The following CCSER1 variants were observed in gnomAD, a reference collection of about 807,000 sequenced individuals.
CCSER1 encodes the protein serine-rich coiled-coil domain-containing protein 1.
In CCSER1, 41 loss-of-function variants were observed where a neutral mutation model predicts 82.0. The ratio of observed to expected loss-of-function variants is 0.50; its 90% CI spans 0.39 to 0.65. The LOEUF (loss-of-function observed/expected upper bound fraction) is 0.65, where lower values mean the gene tolerates loss of function less well. CCSER1 is among the 30% of genes least tolerant of loss of function. CCSER1 has a pLI of 0.00. For missense variants in CCSER1, 1,119 were observed against 1,064.2 expected (o/e 1.05, Z -0.72); for synonymous variants, 414 against 383.9 (o/e 1.08, Z -0.92).
intron 8 of CCSER1, among the ~76,000 whole-genome samples, chr4:90,912,232 G>A (rs1726509481): frequency 6.6e-6 from 1 of 152,122 alleles, no homozygotes; most frequent in South Asian, 2.1e-4. Flanking sequence ...CTAATTATGT[G>A]TCTGCCCAGT....
chr4:90,280,735 A>T (rs1288096667), intron 1 of CCSER1, among the ~76,000 whole-genome samples: 1 of 151,968 alleles, frequency 6.6e-6, no homozygotes, highest in African/African-American at 2.4e-5. Flanking sequence ...TTGTCAGTTT[A>T]AAAAATTAGA....
chr4:90,421,487 G>C (rs898801652), intron 4 of CCSER1, among the ~76,000 whole-genome samples: 1 of 152,120 alleles, frequency 6.6e-6, no homozygotes, highest in Admixed American at 6.5e-5. Flanking sequence ...ACAGTGTTCA[G>C]TTTATTGTTT....
intron 1 of CCSER1, among the ~76,000 whole-genome samples, chr4:90,235,624 A>T (rs1009920827): frequency 6.6e-6 from 1 of 152,216 alleles, no homozygotes; most frequent in Non-Finnish European, 1.5e-5. Flanking sequence ...CAAAAATTGA[A>T]TCATGATAAT....
intron 10 of CCSER1, among the ~76,000 whole-genome samples, chr4:91,500,971 A>G (rs1759177125): frequency 6.6e-6 from 1 of 151,896 alleles, no homozygotes; most frequent in African/African-American, 2.4e-5. Context: ...TTACATTTCT[A>G]TACCTTTTAT....
intron 10 of CCSER1, among the ~76,000 whole-genome samples, chr4:91,506,957 G>A (rs1204822022): frequency 6.6e-6 from 1 of 152,078 alleles, no homozygotes; most frequent in East Asian, 1.9e-4. Flanking sequence ...ATTGTAGCAT[G>A]TATCAATGCC....
intron 10 of CCSER1, among the ~76,000 whole-genome samples, chr4:91,207,035 G>C (rs1478839518): frequency 6.6e-6 from 1 of 151,784 alleles, no homozygotes; most frequent in African/African-American, 2.4e-5. Context: ...TTACTTGAAA[G>C]ATATAAGATG....
At position 91,569,333 on chromosome 4, in the gene CCSER1, G is replaced by A. The variant is rs998217196; in HGVS notation, c.2218-29239G>A. On this transcript the variant is annotated intron_variant, in intron 10 of 10. Coordinates refer to ENST00000509176, the MANE Select transcript of CCSER1 (RefSeq NM_001145065.2). ...CTCTGGGCTGCCTGGGGCAATCTCA[G>A]TGTTTTTGTTCCTGCCCCAACTTGG... Among the ~76,000 whole-genome samples, 3 of 152,272 alleles carry A rather than the reference G, an allele frequency of 2.0e-5. No homozygotes were observed. The East Asian group carries it at 5.8e-4, about 29-fold the overall frequency.
intron 10 of CCSER1, among the ~76,000 whole-genome samples, chr4:91,258,250 T>C (rs1740845790): frequency 6.6e-6 from 1 of 152,128 alleles, no homozygotes; most frequent in Non-Finnish European, 1.5e-5. Context: ...CACAAAATTT[T>C]AATGCACTAA....
At position 91,107,639 on chromosome 4, in the gene CCSER1, CTTT is replaced by C. The variant is rs55901052; in HGVS notation, c.2217+21660_2217+21662del. On this transcript the variant is annotated intron_variant, in intron 10 of 10. Transcript: ENST00000509176. ...TAAGAAAAAGGCATTTTCTTTTTCT[CTTT>C]TTTTTTTTTTTTTTGATGTTTGAAA... Among the ~76,000 whole-genome samples the C allele has an allele frequency of 3.9e-3, 526 of 136,292 alleles. 3 individuals carry two copies. The highest frequency in any genetic ancestry group is 0.02 in the East Asian group (94 of 4,728). The allele number at this position is 136,292 out of a possible 152,430, so 89.4% of individuals were successfully genotyped here. A position where few individuals can be genotyped will look rare whatever the true frequency, so the allele number is the denominator to read the frequency against.
chr4:90,502,574 C>T (rs557210241), intron 5 of CCSER1, among the ~76,000 whole-genome samples: 45 of 152,052 alleles, frequency 3.0e-4, no homozygotes, highest in Admixed American at 1.0e-3. Flanking sequence ...TTGTCAGAAG[C>T]GGTGGACAAT....
At chr4:91,282,455 T>C (rs1187873712) in intron 10 of CCSER1, among the ~76,000 whole-genome samples, 1 of 152,174 alleles carries the variant, frequency 6.6e-6, no homozygotes, top group Non-Finnish European at 1.5e-5. Flanking sequence ...TTATAGATTA[T>C]TATGCTTTCT....
intron 5 of CCSER1, among the ~76,000 whole-genome samples, chr4:90,523,478 G>A (rs187626602): frequency 2.2e-4 from 34 of 152,230 alleles, no homozygotes; most frequent in Non-Finnish European, 2.1e-4. Context: ...GCAAATAAAG[G>A]ATAATATTTT....
chr4:91,545,670 C>CAAA (rs1761851463), intron 10 of CCSER1, among the ~76,000 whole-genome samples: 2 of 151,914 alleles, frequency 1.3e-5, no homozygotes, highest in African/African-American at 4.8e-5. Flanking sequence ...ATATTAGATC[C>CAAA]AGAAGGGCTT....
chr4:90,788,693 C>T (rs1173685572), intron 7 of CCSER1, among the ~76,000 whole-genome samples: 1 of 152,054 alleles, frequency 6.6e-6, no homozygotes, highest in Admixed American at 6.6e-5. Context: ...CCTGACTTAC[C>T]AGGAGTTGGG....
rs537987120 is a variant in CCSER1 at position 90,811,646 on chromosome 4, G to A, written c.2011-4116G>A. 1.8e-4 allele frequency among the ~76,000 whole-genome samples: 28 copies of A among 152,230 alleles called. No individual in the cohort carries two copies. In the South Asian group the frequency reaches 5.8e-3, roughly 32 times the overall value. ...TTGGTTCAAAGTGAGTAGCAGCTGAGCGTATATGATGGCTTCCTGATTATT... is the reference window on the plus strand; with the variant it reads ...TTGGTTCAAAGTGAGTAGCAGCTGAACGTATATGATGGCTTCCTGATTATT... On this transcript the variant is annotated intron_variant, in intron 7 of 10. Transcript: ENST00000509176.
At chr4:90,630,894 T>TTAA (rs1160839534) in intron 6 of CCSER1, among the ~76,000 whole-genome samples, 1 of 148,578 alleles carries the variant, frequency 6.7e-6, no homozygotes, top group Non-Finnish European at 1.5e-5. Context: ...ATTATTATTA[T>TTAA]TATTATTATT....
intron 10 of CCSER1, among the ~76,000 whole-genome samples, chr4:91,403,585 T>C (rs1287524712): frequency 6.6e-6 from 1 of 152,188 alleles, no homozygotes; most frequent in Non-Finnish European, 1.5e-5. Context: ...ACCTAATTTA[T>C]TGAGAATTTT....
intron 5 of CCSER1, among the ~76,000 whole-genome samples, chr4:90,499,124 G>GT (rs1769452241): frequency 1.3e-5 from 2 of 151,992 alleles, no homozygotes; most frequent in Admixed American, 1.3e-4. Context: ...ATGTGTGTGT[G>GT]TGTGTGTGCA....
intron 5 of CCSER1, among the ~76,000 whole-genome samples, chr4:90,570,809 T>G (rs971418418): frequency 7.9e-5 from 12 of 152,202 alleles, no homozygotes; most frequent in African/African-American, 2.4e-4. Context: ...GCCTTACCCT[T>G]AAATGCCATC....
Sources: allele counts gnomAD v4.1 joint callset (sites outside exome capture counted in the v4.1 genomes callset), GRCh38; gene constraint gnomAD v4.1.1; transcripts MANE v1.5; gene names NCBI Gene and HGNC (gene_info 2026-07-23, HGNC 2026-07-21).